Variants in KCNK13 observed in about 807,000 individuals in gnomAD.
The protein encoded by KCNK13 is potassium channel subfamily K member 13.
In KCNK13, 12 loss-of-function variants were observed where a neutral mutation model predicts 23.4. The ratio of observed to expected loss-of-function variants is 0.51; its 90% CI spans 0.33 to 0.83. KCNK13 has a LOEUF of 0.83. Among genes scored for constraint, KCNK13 ranks in the 40% least tolerant of loss-of-function variants. KCNK13 has a pLI of 0.02. For missense variants in KCNK13, 463 were observed against 556.3 expected, an observed-to-expected ratio of 0.83 and a Z score of 1.69; for synonymous variants, 231 against 229.5, an observed-to-expected ratio of 1.01 and a Z score of -0.06.
At chr14:90,064,557 A>C (rs960969088) in intron 1 of KCNK13, among the ~76,000 whole-genome samples, 1 of 152,068 alleles carries the variant, frequency 6.6e-6, no homozygotes, top group Admixed American at 6.5e-5. Flanking sequence ...AAGCCTCTTA[A>C]CTATTCCGAG....
chr14:90,151,810 A>T (rs1022983577), intron 1 of KCNK13, among the ~76,000 whole-genome samples: 9 of 152,160 alleles, frequency 5.9e-5, no homozygotes, highest in African/African-American at 2.2e-4. Context: ...TATGTATGGT[A>T]TAAGGGTCCA....
intron 1 of KCNK13, among the ~76,000 whole-genome samples, chr14:90,178,050 T>A (rs1890442301): frequency 6.6e-6 from 1 of 152,118 alleles, no homozygotes; most frequent in South Asian, 2.1e-4. Flanking sequence ...ACTTAACATT[T>A]TCACCAGTCA....
chr14:90,169,810 A>G (rs1168247789), intron 1 of KCNK13, among the ~76,000 whole-genome samples: 5 of 152,216 alleles, frequency 3.3e-5, no homozygotes, highest in African/African-American at 1.2e-4. Flanking sequence ...CACTCCCAAA[A>G]GTTAGGTTTT....
chr14:90,093,616 G>A (rs1303200567), intron 1 of KCNK13, among the ~76,000 whole-genome samples: 2 of 152,088 alleles, frequency 1.3e-5, no homozygotes, highest in African/African-American at 4.8e-5. Context: ...GTTGCAAAAG[G>A]GCTGAAGGGG....
intron 1 of KCNK13, among the ~76,000 whole-genome samples, chr14:90,180,377 G>A (rs940313552): frequency 3.9e-5 from 6 of 152,004 alleles, no homozygotes; most frequent in Non-Finnish European, 7.4e-5. Context: ...GCATTATGGG[G>A]CTCAAAAAAG....
intron 1 of KCNK13, among the ~76,000 whole-genome samples, chr14:90,084,594 G>A (rs4900019): frequency 0.14 from 20,730 of 152,132 alleles, 1,712 homozygotes; most frequent in South Asian, 0.26. Flanking sequence ...GATAGTTTTA[G>A]TTCTTTCTTT....
At chr14:90,069,487 T>G (rs1186404974) in intron 1 of KCNK13, among the ~76,000 whole-genome samples, 6 of 151,938 alleles carry the variant, frequency 3.9e-5, no homozygotes, top group Non-Finnish European at 8.8e-5. Flanking sequence ...CTGGTCAGTG[T>G]GTAAATCCAT....
chr14:90,162,482 C>T (rs34337258), intron 1 of KCNK13, among the ~76,000 whole-genome samples: 9,126 of 152,094 alleles, frequency 0.06, 885 homozygotes, highest in African/African-American at 0.21. Context: ...TGTAGTTTTG[C>T]GAAATGTTGC....
rs751050914 is a variant in KCNK13, at chr14:90,184,941, G to C, written c.1165G>C (p.Gly389Arg). 4 of 1,611,512 alleles carry C rather than the reference G, an allele frequency of 2.5e-6. No homozygotes were observed. Among genetic ancestry groups the C allele is most frequent in the Non-Finnish European group, 3.4e-6 (4 of 1,178,636 alleles). ...STLARDNEFS[G>R]GVGAFAIMNN... ...ACTGGCCCGGGACAATGAATTCTCA[G>C]GGGGGGTGGGAGCCTTTGCAATCAT... The change falls in exon 2 of 2, where the codon GGG becomes CGG. Residue 389 changes from glycine to arginine, a missense_variant. This residue lies in a region of KCNK13 where 166 missense variants were observed against 178.8 expected (regional missense o/e 0.93). Transcript: ENST00000282146. This position sits in a 1 kb window ranked among gnomAD's most constrained non-coding sequence, Gnocchi z 5.6.
intron 1 of KCNK13, among the ~76,000 whole-genome samples, chr14:90,065,133 C>G (rs1326600030): frequency 1.3e-5 from 2 of 152,198 alleles, no homozygotes; most frequent in African/African-American, 4.8e-5. Flanking sequence ...TACTTATATA[C>G]ATATGCATTT....
At chr14:90,180,844 A>AC (rs1166408032) in intron 1 of KCNK13, among the ~76,000 whole-genome samples, 1 of 151,596 alleles carries the variant, frequency 6.6e-6, no homozygotes, top group Non-Finnish European at 1.5e-5. Flanking sequence ...TTGGCCTTTG[A>AC]CTCACTGTGG....
chr14:90,104,791 C>CTTTTTTTTT (rs66511223), intron 1 of KCNK13, among the ~76,000 whole-genome samples: 1 of 113,518 alleles, frequency 8.8e-6, no homozygotes, highest in East Asian at 2.6e-4. Flanking sequence ...CTTTTCTTTT[C>CTTTTTTTTT]TTTTTTTTTT....
intron 1 of KCNK13, among the ~76,000 whole-genome samples, chr14:90,111,892 C>G (rs769123628): frequency 2.0e-5 from 3 of 152,208 alleles, no homozygotes; most frequent in Non-Finnish European, 2.9e-5. Flanking sequence ...CCACGCATCC[C>G]TCACAGGTGG....
At chr14:90,112,793 C>A (rs1260280741) in intron 1 of KCNK13, among the ~76,000 whole-genome samples, 1 of 151,470 alleles carries the variant, frequency 6.6e-6, no homozygotes, top group Non-Finnish European at 1.5e-5. Flanking sequence ...GAAATGTGAT[C>A]ATCCAAGGAA....
intron 1 of KCNK13, among the ~76,000 whole-genome samples, chr14:90,111,676 G>T (rs1170810914): frequency 6.6e-6 from 1 of 152,184 alleles, no homozygotes; most frequent in East Asian, 1.9e-4. Context: ...TTCGTCTCTA[G>T]ATGCAGAATG....
intron 1 of KCNK13, among the ~76,000 whole-genome samples, chr14:90,093,517 G>A (rs1889373212): frequency 1.3e-5 from 2 of 152,282 alleles, no homozygotes; most frequent in South Asian, 4.1e-4. Context: ...GGGCAAGTCA[G>A]GAAGCAGGAT....
At chr14:90,095,846 G>A (rs1259350692) in intron 1 of KCNK13, among the ~76,000 whole-genome samples, 1 of 152,142 alleles carries the variant, frequency 6.6e-6, no homozygotes, top group African/African-American at 2.4e-5. Flanking sequence ...CCCACCTTCA[G>A]GTGTCAACTG....
intron 1 of KCNK13, among the ~76,000 whole-genome samples, chr14:90,131,902 C>G (rs1889879192): frequency 6.6e-6 from 1 of 152,154 alleles, no homozygotes; most frequent in African/African-American, 2.4e-5. Context: ...AACAGAGTTA[C>G]CATAGGATCC....
intron 1 of KCNK13, among the ~76,000 whole-genome samples, chr14:90,086,628 A>G (rs564404514): frequency 2.0e-5 from 3 of 152,328 alleles, no homozygotes; most frequent in African/African-American, 7.2e-5. Context: ...CAGGTTGTAT[A>G]CTAAGGAAGA....
Sources: allele counts gnomAD v4.1 joint callset (sites outside exome capture counted in the v4.1 genomes callset), GRCh38; gene constraint gnomAD v4.1.1; regional missense constraint gnomAD v4.1.1; non-coding constraint Gnocchi (gnomAD v3.1); transcripts MANE v1.5; gene names NCBI Gene and HGNC (gene_info 2026-07-23, HGNC 2026-07-21).